PPARGC1A: variants seen among roughly 807,000 people sequenced by gnomAD.
The protein encoded by PPARGC1A is PPARG coactivator 1 alpha.
PPARGC1A carries 25 observed loss-of-function variants against 88.7 expected under a neutral mutation model. The observed-to-expected ratio is 0.28, with a 90% CI of 0.21 to 0.39. The LOEUF is 0.39. Among genes scored for constraint, PPARGC1A ranks in the 10% least tolerant of loss-of-function variants. The probability of loss-of-function intolerance (pLI) is 1.00; values close to 1 mark genes in which losing one functional copy is unlikely to be tolerated. For missense variants in PPARGC1A, 880 were observed against 968.7 expected (o/e 0.91, Z 1.22); for synonymous variants, 363 against 355.6 (o/e 1.02, Z -0.24).
At chr4:24,269,258 T>C in the PPARGC1A span, among the ~76,000 whole-genome samples, 2 of 148,806 alleles carry the variant, frequency 1.3e-5, no homozygotes, top group Admixed American at 6.9e-5. Context: ...TTTTGAAATG[T>C]ATTGATAAAA....
At chr4:24,242,680 C>G in the PPARGC1A span, among the ~76,000 whole-genome samples, 1 of 152,166 alleles carries the variant, frequency 6.6e-6, no homozygotes, top group Non-Finnish European at 1.5e-5. Context: ...GTCTCGATAG[C>G]CTTGATGTTA....
chr4:24,262,850 G>T, the PPARGC1A span, among the ~76,000 whole-genome samples: 9 of 152,130 alleles, frequency 5.9e-5, no homozygotes, highest in Non-Finnish European at 1.0e-4. Context: ...GCATGAAGTG[G>T]TGACTGTCCA....
At chr4:23,999,841 G>A in the PPARGC1A span, among the ~76,000 whole-genome samples, 9 of 152,258 alleles carry the variant, frequency 5.9e-5, no homozygotes, top group East Asian at 1.2e-3. Context: ...CCGCCCCTCT[G>A]GAATGAGGAC....
At chr4:24,002,916 A>G in the PPARGC1A span, among the ~76,000 whole-genome samples, 2 of 152,184 alleles carry the variant, frequency 1.3e-5, no homozygotes, top group South Asian at 4.1e-4. Flanking sequence ...GGTCCACCTC[A>G]CAGGATCTTG....
intron 2 of PPARGC1A, among the ~76,000 whole-genome samples, chr4:23,844,427 A>AT (rs1560426421): frequency 7.8e-6 from 1 of 128,344 alleles, no homozygotes; most frequent in East Asian, 2.2e-4. Flanking sequence ...ATAATATATT[A>AT]TATATATTAT....
At chr4:24,295,172 C>T in the PPARGC1A span, among the ~76,000 whole-genome samples, 6 of 152,276 alleles carry the variant, frequency 3.9e-5, no homozygotes, top group South Asian at 2.1e-4. Context: ...TTCCTTATCA[C>T]GAGATGTTTT....
At chr4:24,459,352 T>G in the PPARGC1A span, among the ~76,000 whole-genome samples, 1 of 152,160 alleles carries the variant, frequency 6.6e-6, no homozygotes, top group African/African-American at 2.4e-5. Flanking sequence ...ATTCCAAGAA[T>G]GAGTTAAAGA....
the PPARGC1A span, among the ~76,000 whole-genome samples, chr4:24,306,764 T>C: frequency 2.0e-5 from 3 of 152,304 alleles, no homozygotes; most frequent in African/African-American, 7.2e-5. Context: ...AGGTCATAGC[T>C]TGCTCACCCC....
At chr4:24,050,643 C>T in the PPARGC1A span, among the ~76,000 whole-genome samples, 6 of 152,284 alleles carry the variant, frequency 3.9e-5, no homozygotes, top group African/African-American at 9.6e-5. Context: ...CTTCCTTCTT[C>T]ACATGAAGTG....
chr4:24,298,919 T>G, the PPARGC1A span, among the ~76,000 whole-genome samples: 3 of 152,154 alleles, frequency 2.0e-5, no homozygotes, highest in African/African-American at 7.2e-5. Flanking sequence ...ACATATGTGT[T>G]TAATAAATGT....
intron 12 of PPARGC1A, 88 bp downstream of exon 12, chr4:23,801,642 T>C: frequency 7.0e-7 from 1 of 1,419,534 alleles, no homozygotes. Context: ...AAGTGATGGT[T>C]CAACCCAAGG....
chr4:24,198,385 G>C, the PPARGC1A span, among the ~76,000 whole-genome samples: 1 of 152,088 alleles, frequency 6.6e-6, no homozygotes, highest in Admixed American at 6.6e-5. Context: ...TTGGCTTACA[G>C]GGTCGCTGCT....
the PPARGC1A span, among the ~76,000 whole-genome samples, chr4:24,241,037 G>C: frequency 6.6e-6 from 1 of 152,192 alleles, no homozygotes; most frequent in Non-Finnish European, 1.5e-5. Flanking sequence ...CCCACCTCCA[G>C]CTGTAGGAAT....
the PPARGC1A span, among the ~76,000 whole-genome samples, chr4:24,318,711 A>C: frequency 2.0e-5 from 3 of 152,248 alleles, no homozygotes; most frequent in Non-Finnish European, 4.4e-5. Context: ...TGATATTATC[A>C]GAATAGCCTT....
chr4:24,122,086 G>A, the PPARGC1A span, among the ~76,000 whole-genome samples: 1 of 152,072 alleles, frequency 6.6e-6, no homozygotes, highest in African/African-American at 2.4e-5. Context: ...GACAGCAAAG[G>A]GTTTGGGTTC....
At position 23,844,525 on chromosome 4, in the gene PPARGC1A, A is replaced by G. The variant is rs557702035; in HGVS notation, c.235-12774T>C. On this transcript the variant is annotated intron_variant, in intron 2 of 12. Transcript: ENST00000264867. ...TAATATAATAATATAATAATCACAT[A>G]ATATAATCATATAATATATTATATA... 5.1e-3 allele frequency among the ~76,000 whole-genome samples: 525 copies of G among 103,700 alleles called. 5 individuals carry two copies. The highest frequency in any genetic ancestry group is 0.02 in the African/African-American group (481 of 24,616). 68.0% of individuals were successfully genotyped at this position (103,700 alleles called of 152,430 possible). A position where few individuals can be genotyped will look rare whatever the true frequency, so the allele number is the denominator to read the frequency against.
At chr4:24,147,726 G>T in the PPARGC1A span, among the ~76,000 whole-genome samples, 1 of 152,046 alleles carries the variant, frequency 6.6e-6, no homozygotes, top group African/African-American at 2.4e-5. Context: ...TTAATTTAGG[G>T]TATGCAGTCA....
chr4:24,057,818 T>C, the PPARGC1A span, among the ~76,000 whole-genome samples: 1 of 152,296 alleles, frequency 6.6e-6, no homozygotes, highest in Admixed American at 6.5e-5. Flanking sequence ...CCCAGTGTGG[T>C]GGTGGCGAGA....
chr4:24,150,174 G>A, the PPARGC1A span, among the ~76,000 whole-genome samples: 3 of 152,276 alleles, frequency 2.0e-5, no homozygotes, highest in South Asian at 6.2e-4. Flanking sequence ...GAACTGAAGA[G>A]ACACACCGGG....
Sources: allele counts gnomAD v4.1 joint callset (sites outside exome capture counted in the v4.1 genomes callset), GRCh38; gene constraint gnomAD v4.1.1; transcripts MANE v1.5; gene names NCBI Gene and HGNC (gene_info 2026-07-23, HGNC 2026-07-21).